The following KHDRBS2 variants were observed in gnomAD, a reference collection of about 807,000 sequenced individuals.
KHDRBS2 encodes the protein KH RNA binding domain containing, signal transduction associated 2.
A neutral mutation model predicts 44.3 loss-of-function variants in KHDRBS2; 26 were observed. The ratio of observed to expected loss-of-function variants is 0.59; its 90% CI spans 0.43 to 0.81. KHDRBS2 has a LOEUF of 0.81. Ranked by LOEUF, KHDRBS2 falls within the 40% of genes least tolerant of loss-of-function variation. KHDRBS2 has a pLI of 0.00. For synonymous variants in KHDRBS2, 194 were observed against 151.1 expected (o/e 1.28, Z -2.08); for missense variants, 476 against 433.1 (o/e 1.10, Z -0.88).
the KHDRBS2 span, among the ~76,000 whole-genome samples, chr6:61,662,193 A>C: frequency 6.6e-6 from 1 of 152,146 alleles, no homozygotes; most frequent in African/African-American, 2.4e-5. Context: ...CTGTCTAGCC[A>C]TATGTAGAAA....
chr6:61,934,606 A>C (rs187562488), intron 4 of KHDRBS2, among the ~76,000 whole-genome samples: 207 of 152,296 alleles, frequency 1.4e-3, no homozygotes, highest in Non-Finnish European at 2.6e-3. Flanking sequence ...TTTTGATATT[A>C]ATAGGTCAAT....
At chr6:61,699,298 T>C (rs1768293176) in intron 7 of KHDRBS2, among the ~76,000 whole-genome samples, 1 of 152,062 alleles carries the variant, frequency 6.6e-6, no homozygotes, top group Non-Finnish European at 1.5e-5. Context: ...AATTTAATTA[T>C]TATTGGGCTA....
chr6:61,797,509 T>C (rs1215150059), intron 6 of KHDRBS2, among the ~76,000 whole-genome samples: 2 of 152,080 alleles, frequency 1.3e-5, no homozygotes, highest in Non-Finnish European at 2.9e-5. Flanking sequence ...TTAAAGCACT[T>C]AGCAAGTACC....
At chr6:61,674,025 A>G in the KHDRBS2 span, among the ~76,000 whole-genome samples, 1 of 151,930 alleles carries the variant, frequency 6.6e-6, no homozygotes, top group Non-Finnish European at 1.5e-5. Context: ...CTACAGATTG[A>G]CGAATAAAAG....
At chr6:61,807,869 A>C (rs1787418782) in intron 6 of KHDRBS2, among the ~76,000 whole-genome samples, 1 of 152,144 alleles carries the variant, frequency 6.6e-6, no homozygotes, top group Admixed American at 6.6e-5. Flanking sequence ...GGCAGTATGT[A>C]ACCTGACTCT....
intron 4 of KHDRBS2, among the ~76,000 whole-genome samples, chr6:61,926,082 A>G (rs1808916806): frequency 6.6e-6 from 1 of 152,182 alleles, no homozygotes; most frequent in Non-Finnish European, 1.5e-5. Context: ...TAGTGTTTTA[A>G]TGTTATATAA....
intron 4 of KHDRBS2, among the ~76,000 whole-genome samples, chr6:61,956,201 A>AC (rs139699149): frequency 0.03 from 4,587 of 152,124 alleles, 234 homozygotes; most frequent in African/African-American, 0.1. Context: ...TCAAAAAAAA[A>AC]CAAAAACAAA....
At chr6:61,661,821 C>T in the KHDRBS2 span, among the ~76,000 whole-genome samples, 1 of 151,950 alleles carries the variant, frequency 6.6e-6, no homozygotes, top group Non-Finnish European at 1.5e-5. Flanking sequence ...GGCCATACTG[C>T]CTAAGGTAAT....
At chr6:62,173,565 T>A (rs1820500256) in intron 2 of KHDRBS2, among the ~76,000 whole-genome samples, 1 of 151,736 alleles carries the variant, frequency 6.6e-6, no homozygotes, top group Admixed American at 6.6e-5. Context: ...ACTCAGTCTA[T>A]GAGTCCAGCA....
intron 5 of KHDRBS2, among the ~76,000 whole-genome samples, chr6:61,895,666 GT>G (rs1802807079): frequency 1.3e-5 from 2 of 152,110 alleles, no homozygotes; most frequent in African/African-American, 4.8e-5. Context: ...ATGGTTGAGT[GT>G]TTGTCTGAAG....
intron 1 of KHDRBS2, 48 bp downstream of exon 1, chr6:62,285,810 G>A: frequency 2.2e-6 from 3 of 1,355,738 alleles, no homozygotes; most frequent in Non-Finnish European, 3.2e-6. Flanking sequence ...AGCCGCGGGT[G>A]AGATAGGCAG....
the KHDRBS2 span, among the ~76,000 whole-genome samples, chr6:61,645,043 T>C: frequency 1.3e-5 from 2 of 151,888 alleles, no homozygotes; most frequent in South Asian, 2.1e-4. Flanking sequence ...CTATTCACAA[T>C]AGCAAAGACA....
At chr6:61,807,320 G>A (rs891434269) in intron 6 of KHDRBS2, among the ~76,000 whole-genome samples, 1 of 151,866 alleles carries the variant, frequency 6.6e-6, no homozygotes, top group African/African-American at 2.4e-5. Flanking sequence ...CCATTATTGG[G>A]TATATACCCA....
intron 1 of KHDRBS2, among the ~76,000 whole-genome samples, chr6:62,194,377 C>T (rs1825209263): frequency 6.6e-6 from 1 of 151,238 alleles, no homozygotes; most frequent in Non-Finnish European, 1.5e-5. Context: ...ACCAATTAAC[C>T]ATGAATGTGT....
chr6:62,121,052 G>C (rs1377449659), intron 2 of KHDRBS2, among the ~76,000 whole-genome samples: 1 of 152,144 alleles, frequency 6.6e-6, no homozygotes, highest in Non-Finnish European at 1.5e-5. Flanking sequence ...ACAGAGGTCA[G>C]GTAATTAACG....
At chr6:62,012,398 A>G (rs1780467125) in intron 3 of KHDRBS2, among the ~76,000 whole-genome samples, 1 of 152,152 alleles carries the variant, frequency 6.6e-6, no homozygotes, top group Non-Finnish European at 1.5e-5. Flanking sequence ...ACTCTTACTC[A>G]TCCACAATCC....
intron 6 of KHDRBS2, among the ~76,000 whole-genome samples, chr6:61,871,436 A>T (rs1178041478): frequency 6.6e-6 from 1 of 152,212 alleles, no homozygotes; most frequent in East Asian, 1.9e-4. Flanking sequence ...AACAACCTTC[A>T]GGATATTATC....
chr6:61,697,080 C>G, intron 8 of KHDRBS2, 115 bp downstream of exon 8: 1 of 751,012 alleles, frequency 1.3e-6, no homozygotes, highest in East Asian at 2.6e-5. Flanking sequence ...TTACATGAAT[C>G]AATTTAGTCT....
intron 6 of KHDRBS2, among the ~76,000 whole-genome samples, chr6:61,785,958 C>T (rs9452276): frequency 0.012 from 1,768 of 151,898 alleles, 40 homozygotes; most frequent in African/African-American, 0.041. Context: ...ATCTGTTTTT[C>T]TGCTGACTAT....
Sources: gnomAD v4.1 joint callset for allele counts (sites outside exome capture counted in the v4.1 genomes callset) on GRCh38, gnomAD v4.1.1 for gene constraint, MANE v1.5 for transcripts, NCBI Gene and HGNC (gene_info 2026-07-23, HGNC 2026-07-21) for gene names.